The following MIER2 variants were observed in gnomAD, a reference collection of about 807,000 sequenced individuals.
MIER2 encodes the protein mesoderm induction early response protein 2.
In MIER2, 30 loss-of-function variants were observed where a neutral mutation model predicts 67.6. The ratio of observed to expected loss-of-function variants is 0.44; its 90% confidence interval spans 0.33 to 0.60. The LOEUF is 0.60. Among genes scored for constraint, MIER2 ranks in the 20% least tolerant of loss-of-function variants. The probability of loss-of-function intolerance (pLI) is 0.02; values close to 1 mark genes in which losing one functional copy is unlikely to be tolerated. For missense variants in MIER2, 702 were observed against 745.1 expected, an observed-to-expected ratio of 0.94 and a Z score of 0.67; for synonymous variants, 372 against 312.6, an observed-to-expected ratio of 1.19 and a Z score of -2.00.
At chr19:343,532 C>T (rs1212488402) in intron 1 of MIER2, among the ~76,000 whole-genome samples, 2 of 152,194 alleles carry the variant, frequency 1.3e-5, no homozygotes, top group Non-Finnish European at 2.9e-5. Flanking sequence ...CTGTTACTGC[C>T]CCTGAGGTCG....
At chr19:306,844 GGTGCC>G in intron 13 of MIER2, 133 bp from the exon 14 acceptor site, 1 of 1,406,188 alleles carries the variant, frequency 7.1e-7, no homozygotes, top group African/African-American at 1.4e-5. Flanking sequence ...CCGGGCCCGG[GGTGCC>G]CTGAGGGGAG....
At chr19:316,702 T>A (rs1338384609) in intron 7 of MIER2, among the ~76,000 whole-genome samples, 2 of 152,166 alleles carry the variant, frequency 1.3e-5, no homozygotes, top group African/African-American at 4.8e-5. Context: ...TGAGGCCCGG[T>A]GTGGTGGCTC....
intron 1 of MIER2, among the ~76,000 whole-genome samples, chr19:336,505 A>C (rs72986421): frequency 1.3e-5 from 2 of 152,114 alleles, no homozygotes; most frequent in African/African-American, 2.4e-5. Flanking sequence ...AACAGCATGC[A>C]CTGGGAGGGA....
chr19:336,049 C>T (rs761323696), intron 2 of MIER2, 34 bp downstream of exon 2: 20 of 1,599,220 alleles, frequency 1.3e-5, no homozygotes, highest in East Asian at 8.9e-5. Flanking sequence ...AAGGCCTTGG[C>T]GGACCTGAGC....
chr19:332,647 G>T (rs1299243268), intron 3 of MIER2, among the ~76,000 whole-genome samples: 48 of 117,944 alleles, frequency 4.1e-4, no homozygotes, highest in African/African-American at 1.6e-3. Context: ...CGTTGGCCAG[G>T]CTAGGCTCAA....
At chr19:313,354 T>G (rs1032272627) in intron 8 of MIER2, 138 bp downstream of exon 8, 3 of 1,376,718 alleles carry the variant, frequency 2.2e-6, no homozygotes, top group Non-Finnish European at 2.9e-6. Flanking sequence ...GAGTAGCTGT[T>G]CCAGTGCCCT....
chr19:342,693 T>C (rs1473910144), intron 1 of MIER2, among the ~76,000 whole-genome samples: 1 of 151,406 alleles, frequency 6.6e-6, no homozygotes, highest in Non-Finnish European at 1.5e-5. Flanking sequence ...CAGAATAAAG[T>C]AGCTAGTACT....
chr19:324,524 T>C lies in MIER2; in HGVS notation c.655+1111A>G, dbSNP rs991440801. ...GATGACTCGAAGGACACAGACGTCA[T>C]CACAATGCAATAAAGACACACACAA... is the stretch of plus-strand genomic sequence containing the variant. On this transcript the variant is annotated intron_variant, in intron 7 of 13. Coordinates refer to ENST00000264819, the MANE Select transcript of MIER2 (RefSeq NM_017550.3). 6.9e-5 allele frequency among the ~76,000 whole-genome samples: 9 copies of C among 131,254 alleles called. 1 individual carries two copies. The highest frequency in any genetic ancestry group is 1.6e-5 in the Non-Finnish European group (1 of 64,290). 86.1% of individuals were successfully genotyped at this position (131,254 alleles called of 152,430 possible). A position where few individuals can be genotyped will look rare whatever the true frequency, so the allele number is the denominator to read the frequency against.
At chr19:327,825 T>C (rs1971829194) in intron 4 of MIER2, 39 bp downstream of exon 4, 1 of 1,608,956 alleles carries the variant, frequency 6.2e-7, no homozygotes, top group East Asian at 2.2e-5. Flanking sequence ...CCCCCCCACC[T>C]TCAGCTGTGA....
chr19:308,602 T>C lies in MIER2; in HGVS notation c.1173A>G (p.Gln391=), dbSNP rs768635866. The change falls in exon 12 of 14, where the codon CAA becomes CAG. Residue 391 remains glutamine (Q), a synonymous_variant. Transcript: ENST00000264819. The surrounding 1 kb of genome is among the most constrained non-coding windows in gnomAD (Gnocchi z 9.1). ...CTGTGCGCATCCCAGTCAGGGTGTC[T>C]TGCTCCGGGCGCGGACGGCCGGGGC... ...PDGPGRPRPE[Q]DTLTGMRTDP... is the part of the protein sequence containing the mutation. 1.2e-6 allele frequency: 2 copies of C among 1,606,634 alleles called. No individual in the cohort carries two copies. Among genetic ancestry groups the C allele is most frequent in the Admixed American group, 1.7e-5 (1 of 59,066 alleles).
chr19:318,667 C>T (rs895203500), intron 7 of MIER2, among the ~76,000 whole-genome samples: 12 of 152,178 alleles, frequency 7.9e-5, no homozygotes, highest in African/African-American at 2.9e-4. Flanking sequence ...TTTACCAAAA[C>T]AGATCAAATA....
In MIER2 at chr19:307,483, A is replaced by G. The variant is rs990673804; in HGVS notation, c.1252T>C (p.Ser418Pro). Residue 418 changes from serine (S) to proline (P), a missense_variant, in exon 13 of 14, where the codon TCT (serine) becomes CCT (proline). Physicochemically the swap from Ser to Pro is moderately conservative, Grantham distance 74 (BLOSUM62 -1). Coordinates refer to ENST00000264819, the MANE Select transcript of MIER2 (RefSeq NM_017550.3). ...GGCTCCGAGGACGGGAGTCCATCAG[A>G]GGCCACTCCGGGCTCATCGAGACCA... ...AGGLDEPGVA[S>P]DGLPSSEPGP... The G allele has an allele frequency of 3.9e-6, 6 of 1,545,800 alleles. No individual in the cohort carries two copies. The highest frequency in any genetic ancestry group is 5.2e-6 in the Non-Finnish European group (6 of 1,149,486).
At chr19:327,792 C>G (rs1460450381) in intron 4 of MIER2, 72 bp downstream of exon 4, 9 of 1,586,720 alleles carry the variant, frequency 5.7e-6, no homozygotes, top group African/African-American at 1.4e-5. Context: ...GAACACTCCC[C>G]TCTGCAGAGA....
At chr19:327,380 T>C (rs1407848663) in intron 4 of MIER2, 124 bp from the exon 5 acceptor site, 2 of 1,245,862 alleles carry the variant, frequency 1.6e-6, no homozygotes, top group Middle Eastern at 2.6e-4. Flanking sequence ...GCTATTCCCA[T>C]TCTGCAAAGG....
rs1971808489 is a variant in MIER2, at chr19:327,330, A to T, written c.370-74T>A. The stretch of plus-strand genomic sequence containing the variant: ...TCGCAATACCACTAATGATAACAAC[A>T]GTAAAGACACTGGGAGTGCCCTGAG... On this transcript the variant is annotated intron_variant, in intron 4 of 13. Coordinates refer to ENST00000264819, the MANE Select transcript of MIER2 (RefSeq NM_017550.3). The T allele has an allele frequency of 2.6e-6, 4 of 1,514,700 alleles. No homozygotes were observed. The East Asian group carries it at 9.4e-5, about 36-fold the overall frequency. 93.8% of individuals were successfully genotyped at this position (1,514,700 alleles called of 1,614,324 possible). A position where few individuals can be genotyped will look rare whatever the true frequency, so the allele number is the denominator to read the frequency against.
rs766070694 is a variant in MIER2 at position 334,431 on chromosome 19, T to C, written c.212A>G (p.Lys71Arg). ...EEASRCPDKP[K>R]EELEKDFISQ... ...GATGAAGTCCTTCTCCAGCTCCTCC[T>C]TGGGCTTGTCTGGGCACCTCGAGGC... The change falls in exon 3 of 14, where the codon AAG becomes AGG. Residue 71 changes from lysine to arginine, a missense_variant. Around this residue, in one of 3 missense-constraint regions of MIER2, gnomAD observed 320 missense variants for 292.6 expected, o/e 1.09. Transcript: ENST00000264819. The C allele has an allele frequency of 1.5e-5, 24 of 1,614,214 alleles. No homozygotes were observed. Among genetic ancestry groups the C allele is most frequent in the Non-Finnish European group, 2.0e-5 (24 of 1,180,032 alleles).
At chr19:325,246 G>T (rs1479630079) in intron 7 of MIER2, among the ~76,000 whole-genome samples, 1 of 152,256 alleles carries the variant, frequency 6.6e-6, no homozygotes, top group Non-Finnish European at 1.5e-5. Flanking sequence ...GCGGAGCAAG[G>T]CCGGGGGTGC....
chr19:316,763 G>A (rs560264320), intron 7 of MIER2, among the ~76,000 whole-genome samples: 1 of 152,104 alleles, frequency 6.6e-6, no homozygotes, highest in East Asian at 1.9e-4. Context: ...GAGGTCAGGA[G>A]TTCAAGACCA....
intron 5 of MIER2, 21 bp downstream of exon 5, chr19:327,112 T>C (rs781135171): frequency 1.3e-6 from 2 of 1,567,826 alleles, no homozygotes; most frequent in South Asian, 1.2e-5. Context: ...TGCGGTGGAG[T>C]ATGGGGACAG....
Sources: gnomAD v4.1 joint callset for allele counts (sites outside exome capture counted in the v4.1 genomes callset) on GRCh38, gnomAD v4.1.1 for gene constraint, gnomAD v4.1.1 regional missense constraint, Gnocchi (gnomAD v3.1) non-coding constraint, MANE v1.5 for transcripts, NCBI Gene and HGNC (gene_info 2026-07-23, HGNC 2026-07-21) for gene names.